CTNNBL1: variants seen among roughly 807,000 people sequenced by gnomAD.
CTNNBL1 encodes catenin beta like 1, also known as beta-catenin-like protein 1.
A neutral mutation model predicts 72.7 loss-of-function variants in CTNNBL1; 31 were observed. That is an observed-to-expected ratio of 0.43 (90% confidence interval 0.32 to 0.58). The LOEUF is 0.58. Ranked by LOEUF, CTNNBL1 falls within the 20% of genes least tolerant of loss-of-function variation. The probability of loss-of-function intolerance (pLI) is 0.08; values close to 1 mark genes in which losing one functional copy is unlikely to be tolerated. For missense variants in CTNNBL1, 534 were observed against 725.1 expected, an observed-to-expected ratio of 0.74 and a Z score of 3.03; for synonymous variants, 240 against 267.3, an observed-to-expected ratio of 0.90 and a Z score of 1.00.
chr20:37,715,615 C>T (rs888596989), intron 1 of CTNNBL1, among the ~76,000 whole-genome samples: 5 of 152,126 alleles, frequency 3.3e-5, no homozygotes, highest in Admixed American at 6.5e-5. Flanking sequence ...AAGAAGTGGC[C>T]GAATTCCCTT....
chr20:37,853,289 A>G (rs768402971), intron 13 of CTNNBL1, among the ~76,000 whole-genome samples: 4 of 152,182 alleles, frequency 2.6e-5, no homozygotes, highest in Admixed American at 1.3e-4. Flanking sequence ...CCACTTATAT[A>G]TCTTTAGTGC....
intron 11 of CTNNBL1, among the ~76,000 whole-genome samples, chr20:37,803,389 G>A (rs1162916184): frequency 6.6e-6 from 1 of 152,166 alleles, no homozygotes; most frequent in Non-Finnish European, 1.5e-5. Context: ...GGCAACACAT[G>A]TCACCTCCAG....
chr20:37,831,727 T>C (rs1600515798), intron 11 of CTNNBL1, among the ~76,000 whole-genome samples: 1 of 152,198 alleles, frequency 6.6e-6, no homozygotes, highest in Non-Finnish European at 1.5e-5. Flanking sequence ...TGGGCTAGCT[T>C]TCATCACTGT....
intron 1 of CTNNBL1, among the ~76,000 whole-genome samples, chr20:37,708,254 A>G (rs546555209): frequency 6.6e-6 from 1 of 151,672 alleles, no homozygotes; most frequent in Admixed American, 6.6e-5. Context: ...CAGCAGGATC[A>G]TGGTTCCCTG....
chr20:37,864,451 C>T (rs945374349), intron 15 of CTNNBL1, among the ~76,000 whole-genome samples: 3 of 152,136 alleles, frequency 2.0e-5, no homozygotes, highest in South Asian at 2.1e-4. Context: ...GCAAGCCCAG[C>T]GGGGGACTTT....
At chr20:37,702,081 G>A (rs2072849819) in intron 1 of CTNNBL1, among the ~76,000 whole-genome samples, 1 of 152,158 alleles carries the variant, frequency 6.6e-6, no homozygotes, top group Non-Finnish European at 1.5e-5. Flanking sequence ...GGGCCTCCCT[G>A]TGTTGTCCAG....
intron 1 of CTNNBL1, among the ~76,000 whole-genome samples, chr20:37,728,134 A>T (rs566264958): frequency 6.6e-6 from 1 of 152,348 alleles, no homozygotes; most frequent in South Asian, 2.1e-4. Flanking sequence ...TGTGCTGTTC[A>T]GTACTATAGC....
chr20:37,809,254 C>G (rs961070092), intron 11 of CTNNBL1, among the ~76,000 whole-genome samples: 4 of 152,150 alleles, frequency 2.6e-5, no homozygotes, highest in African/African-American at 9.7e-5. Context: ...AAGAATATTT[C>G]ATTGTTAAAG....
chr20:37,871,620 A>C (rs937132250), intron 15 of CTNNBL1, among the ~76,000 whole-genome samples: 1 of 152,276 alleles, frequency 6.6e-6, no homozygotes, highest in South Asian at 2.1e-4. Flanking sequence ...TTTCAGCATG[A>C]GTTTTGGAGG....
chr20:37,820,176 C>T (rs2072093716), intron 11 of CTNNBL1, among the ~76,000 whole-genome samples: 1 of 152,024 alleles, frequency 6.6e-6, no homozygotes, highest in Non-Finnish European at 1.5e-5. Context: ...CGCACCCTGC[C>T]CTTTTAAGAT....
At chr20:37,760,632 T>G (rs1190470203) in intron 5 of CTNNBL1, among the ~76,000 whole-genome samples, 1 of 152,236 alleles carries the variant, frequency 6.6e-6, no homozygotes, top group Non-Finnish European at 1.5e-5. Context: ...TCCATACTGT[T>G]TCTTTCTCTG....
Position 37,859,903 on chromosome 20 carries a change from T to C in CTNNBL1, c.1397T>C (p.Met466Thr). ...DKKIEGEKHD[M>T]VRRGEIIDND... Reference sequence around the variant, plus strand: ...TAAACGTTCATTTGTTTCTAGGACATGGTCCGGCGAGGAGAGATCATCGAC... The same window carrying C: ...TAAACGTTCATTTGTTTCTAGGACACGGTCCGGCGAGGAGAGATCATCGAC... Residue 466 changes from methionine to threonine, a missense_variant, in exon 14 of 16, where the codon ATG becomes ACG. Coordinates refer to ENST00000361383, the MANE Select transcript of CTNNBL1 (RefSeq NM_030877.5). 1.2e-6 allele frequency: 2 copies of C among 1,614,048 alleles called. No homozygotes were observed. The highest frequency in any genetic ancestry group is 1.7e-6 in the Non-Finnish European group (2 of 1,179,966).
At chr20:37,839,750 G>A (rs2072286244) in intron 11 of CTNNBL1, among the ~76,000 whole-genome samples, 1 of 152,174 alleles carries the variant, frequency 6.6e-6, no homozygotes, top group Non-Finnish European at 1.5e-5. Context: ...GCCATGGCTG[G>A]TGTTCATATT....
intron 11 of CTNNBL1, among the ~76,000 whole-genome samples, chr20:37,815,470 A>G (rs2122760490): frequency 6.6e-6 from 1 of 152,198 alleles, no homozygotes; most frequent in East Asian, 1.9e-4. Context: ...GGCATGCGCC[A>G]CCATGCCCTG....
At chr20:37,698,484 C>G (rs1198216830) in intron 1 of CTNNBL1, among the ~76,000 whole-genome samples, 2 of 152,222 alleles carry the variant, frequency 1.3e-5, no homozygotes, top group Non-Finnish European at 2.9e-5. Context: ...GAATCATGGT[C>G]TAAGGCTTGG....
At chr20:37,803,516 A>C (rs2073839400) in intron 11 of CTNNBL1, among the ~76,000 whole-genome samples, 1 of 152,162 alleles carries the variant, frequency 6.6e-6, no homozygotes, top group African/African-American at 2.4e-5. Flanking sequence ...CTGATGGTGC[A>C]CGCTCCCAGC....
At chr20:37,800,409 C>A (rs988382400) in intron 10 of CTNNBL1, among the ~76,000 whole-genome samples, 4 of 152,162 alleles carry the variant, frequency 2.6e-5, no homozygotes, top group African/African-American at 9.7e-5. Flanking sequence ...CTTTTCACTC[C>A]ACTTCTGCCC....
Position 37,765,424 on chromosome 20 carries a change from C to T in CTNNBL1, c.658+134C>T, listed in dbSNP as rs998940510. 1.5e-5 allele frequency: 9 copies of T among 605,846 alleles called. No individual in the cohort carries two copies. In the African/African-American group the frequency reaches 1.7e-4, roughly 11 times the overall value. 37.5% of individuals were successfully genotyped at this position (605,846 alleles called of 1,614,324 possible). On this transcript the variant is annotated intron_variant, in intron 6 of 15. Transcript: ENST00000361383. ...CTTCCTTCTGCTCCCAAACTGCCTT[C>T]TCAGAAATGAAGACCTTTGTGTAAA...
At chr20:37,799,199 G>A (rs1051649849) in intron 10 of CTNNBL1, among the ~76,000 whole-genome samples, 4 of 152,022 alleles carry the variant, frequency 2.6e-5, no homozygotes, top group African/African-American at 4.8e-5. Flanking sequence ...TGTCATTCCC[G>A]TCCCTTCTTC....
Sources: allele counts gnomAD v4.1 joint callset (sites outside exome capture counted in the v4.1 genomes callset), GRCh38; gene constraint gnomAD v4.1.1; transcripts MANE v1.5; gene names NCBI Gene and HGNC (gene_info 2026-07-23, HGNC 2026-07-21).